C12orf56: variants seen among roughly 807,000 people sequenced by gnomAD.
The protein encoded by C12orf56 is uncharacterized protein C12orf56.
Under a neutral mutation model 69.9 loss-of-function variants are expected in C12orf56, and 71 were observed. The observed-to-expected ratio is 1.02, with a 90% CI of 0.84 to 1.24. The LOEUF (loss-of-function observed/expected upper bound fraction) is 1.24, where lower values mean the gene tolerates loss of function less well. Ranked by LOEUF, C12orf56 falls within the 50% of genes most tolerant of loss-of-function variation. The pLI, the probability that C12orf56 is intolerant of heterozygous loss-of-function variation, is 0.00. For synonymous variants in C12orf56, 276 were observed against 274.1 expected, an observed-to-expected ratio of 1.01 and a Z score of -0.07; for missense variants, 732 against 738.5, an observed-to-expected ratio of 0.99 and a Z score of 0.10.
intron 2 of C12orf56, chr12:64,338,804 A>C (rs2039032614): frequency 8.4e-7 from 1 of 1,195,148 alleles, no homozygotes; most frequent in Admixed American, 1.8e-5. Context: ...GGTGAGAGCA[A>C]AGCTAGGCCG....
intron 3 of C12orf56, among the ~76,000 whole-genome samples, chr12:64,328,523 A>G (rs1270082762): frequency 6.6e-6 from 1 of 151,482 alleles, no homozygotes; most frequent in Non-Finnish European, 1.5e-5. Context: ...TACTTAAAAT[A>G]CAAAAAATTA....
In C12orf56 at chr12:64,340,837, A is replaced by G. The variant is rs1461011739; in HGVS notation, c.416-9805T>C. 2.6e-5 allele frequency among the ~76,000 whole-genome samples: 4 copies of G among 152,112 alleles called. No homozygotes were observed. In the East Asian group the frequency reaches 7.7e-4, roughly 29 times the overall value. ...CCTTCAGCAAGCACCTCAGCAGGTCATGGTTTTTTCCTGGTGGAGTGACCC... is the reference window on the plus strand; with the variant it reads ...CCTTCAGCAAGCACCTCAGCAGGTCGTGGTTTTTTCCTGGTGGAGTGACCC... On this transcript the variant is annotated intron_variant, in intron 2 of 12. Transcript: ENST00000543942.
At chr12:64,327,479 T>G (rs996777972) in intron 3 of C12orf56, among the ~76,000 whole-genome samples, 2 of 152,298 alleles carry the variant, frequency 1.3e-5, no homozygotes, top group East Asian at 3.9e-4. Context: ...AAATAAAATT[T>G]TTAAAAAAGA....
chr12:64,385,047 C>T (rs916978758), intron 1 of C12orf56, among the ~76,000 whole-genome samples: 5 of 149,360 alleles, frequency 3.3e-5, no homozygotes, highest in African/African-American at 1.2e-4. Context: ...GAGCGAGACT[C>T]CTGCTCAAAA....
At chr12:64,301,771 T>C (rs537832136) in intron 6 of C12orf56, among the ~76,000 whole-genome samples, 55 of 152,298 alleles carry the variant, frequency 3.6e-4, no homozygotes, top group African/African-American at 1.3e-3. Context: ...CGACCCTTGG[T>C]TTGGTCCAGG....
At chr12:64,310,657 CT>C (rs2038594896) in intron 5 of C12orf56, among the ~76,000 whole-genome samples, 1 of 151,904 alleles carries the variant, frequency 6.6e-6, no homozygotes, top group East Asian at 1.9e-4. Context: ...TTATACACTT[CT>C]GAATTTTTAT....
At chr12:64,365,286 T>C (rs112691595) in intron 1 of C12orf56, among the ~76,000 whole-genome samples, 1 of 149,780 alleles carries the variant, frequency 6.7e-6, no homozygotes, top group Admixed American at 6.8e-5. Context: ...TGCTTCAGCC[T>C]CCCGAGTAAC....
intron 2 of C12orf56, among the ~76,000 whole-genome samples, chr12:64,342,850 A>C (rs1267742878): frequency 6.6e-6 from 1 of 152,150 alleles, no homozygotes; most frequent in Non-Finnish European, 1.5e-5. Flanking sequence ...TAATTCACCT[A>C]TGGGGGCCTC....
At chr12:64,351,716 A>G (rs1376297019) in intron 2 of C12orf56, among the ~76,000 whole-genome samples, 1 of 152,068 alleles carries the variant, frequency 6.6e-6, no homozygotes, top group African/African-American at 2.4e-5. Flanking sequence ...GGGATGCCTC[A>G]CTTTCTCTCC....
rs1049087280 is a variant in C12orf56, at chr12:64,381,855, C to T, written c.252+8459G>A. ...CTGAATCAAGGATGATGGAAGATGA[C>T]GTCATTTGGTAAAATAGGGAAAACC... On this transcript the variant is annotated intron_variant, in intron 1 of 12. Coordinates refer to ENST00000543942, the MANE Select transcript of C12orf56 (RefSeq NM_001170633.2). Among the ~76,000 whole-genome samples, 72 of 152,034 alleles carry T rather than the reference C, an allele frequency of 4.7e-4. 1 individual carries two copies. The highest frequency in any genetic ancestry group is 3.9e-3 in the Admixed American group (59 of 15,258).
intron 6 of C12orf56, among the ~76,000 whole-genome samples, chr12:64,286,614 C>G (rs1170384444): frequency 6.6e-6 from 1 of 152,142 alleles, no homozygotes; most frequent in Non-Finnish European, 1.5e-5. Context: ...AGCTGGGGAA[C>G]CCATTTTTTA....
chr12:64,340,165 C>A (rs745398289), intron 2 of C12orf56, among the ~76,000 whole-genome samples: 31 of 152,036 alleles, frequency 2.0e-4, no homozygotes, highest in Non-Finnish European at 4.0e-4. Flanking sequence ...AAGCATCCAG[C>A]ACAGGAGAAA....
Position 64,369,918 on chromosome 12 carries a change from G to A in C12orf56, c.253-16862C>T, listed in dbSNP as rs1399890658. The stretch of plus-strand genomic sequence containing the variant: ...GAATTGCTTGAACCCAGGAGGTGGA[G>A]GTTGCAGTGAGCTGAGATCGTGCCA... On this transcript the variant is annotated intron_variant, in intron 1 of 12. Transcript: ENST00000543942. 5.3e-5 allele frequency among the ~76,000 whole-genome samples: 8 copies of A among 151,384 alleles called. No individual in the cohort carries two copies. The South Asian group carries it at 6.3e-4, about 12-fold the overall frequency.
chr12:64,358,925 G>T (rs1314457251), intron 1 of C12orf56, among the ~76,000 whole-genome samples: 2 of 152,166 alleles, frequency 1.3e-5, no homozygotes, highest in African/African-American at 4.8e-5. Flanking sequence ...AGAAAGGAAG[G>T]TGGTTTCTTC....
intron 8 of C12orf56, among the ~76,000 whole-genome samples, chr12:64,281,413 A>G (rs1289882515): frequency 1.3e-5 from 2 of 152,198 alleles, no homozygotes; most frequent in African/African-American, 4.8e-5. Flanking sequence ...AACTAAAAAC[A>G]TAAAAAAAAT....
chr12:64,389,199 A>G (rs1367966603), intron 1 of C12orf56: 1 of 152,190 alleles, frequency 6.6e-6, no homozygotes, highest in African/African-American at 2.4e-5. Context: ...AAAGGGAGCC[A>G]GGCGGGGAAA....
chr12:64,329,961 A>G (rs1269518826), intron 3 of C12orf56, among the ~76,000 whole-genome samples: 1 of 151,858 alleles, frequency 6.6e-6, no homozygotes, highest in Non-Finnish European at 1.5e-5. Context: ...AGTCTTTGCT[A>G]TCGTGAATAA....
At chr12:64,377,138 TG>T (rs1176360579) in intron 1 of C12orf56, among the ~76,000 whole-genome samples, 4 of 152,158 alleles carry the variant, frequency 2.6e-5, no homozygotes, top group African/African-American at 9.6e-5. Flanking sequence ...TTCACATATT[TG>T]TTGGCCACAT....
rs1360107182 is a variant in C12orf56 at position 64,266,944 on chromosome 12, A to G, written c.*239T>C. ...TTTGAAGAACTACTCTAATAAAGAAATGGCTCTTTTGCCCAATGGCATAAA... is the reference window on the plus strand; with the variant it reads ...TTTGAAGAACTACTCTAATAAAGAAGTGGCTCTTTTGCCCAATGGCATAAA... On this transcript the variant is annotated 3_prime_UTR_variant, in exon 13 of 13. Transcript: ENST00000543942. 2 of 426,694 alleles carry G rather than the reference A, an allele frequency of 4.7e-6. No homozygotes were observed. The highest frequency in any genetic ancestry group is 2.1e-5 in the African/African-American group (1 of 48,280). 26.4% of individuals were successfully genotyped at this position (426,694 alleles called of 1,614,324 possible). A position where few individuals can be genotyped will look rare whatever the true frequency, so the allele number is the denominator to read the frequency against.
Sources: allele counts gnomAD v4.1 joint callset (sites outside exome capture counted in the v4.1 genomes callset), GRCh38; gene constraint gnomAD v4.1.1; transcripts MANE v1.5; gene names NCBI Gene and HGNC (gene_info 2026-07-23, HGNC 2026-07-21).